WLS: variants seen among roughly 807,000 people sequenced by gnomAD.
WLS encodes the protein Wnt ligand secretion mediator.
WLS carries 23 observed loss-of-function variants against 62.8 expected under a neutral mutation model. That is an observed-to-expected ratio of 0.37 (90% CI 0.26 to 0.52). WLS has a LOEUF of 0.52. Ranked by LOEUF, WLS falls within the 20% of genes least tolerant of loss-of-function variation. The pLI is 0.92. For synonymous variants in WLS, 246 were observed against 244.1 expected (o/e 1.01, Z -0.07); for missense variants, 615 against 697.3 (o/e 0.88, Z 1.33).
At chr1:68,214,202 C>T (rs953205308) in intron 1 of WLS, among the ~76,000 whole-genome samples, 1 of 151,996 alleles carries the variant, frequency 6.6e-6, no homozygotes, top group South Asian at 2.1e-4. Flanking sequence ...CACACACACA[C>T]ACACACACCC....
chr1:68,147,734 T>C (rs1441168746), intron 8 of WLS, among the ~76,000 whole-genome samples: 1 of 152,156 alleles, frequency 6.6e-6, no homozygotes, highest in Non-Finnish European at 1.5e-5. Context: ...CACACCAAGG[T>C]CACTTAAGAA....
chr1:68,203,490 CTTTTCTGGGAGACT>C (rs1649135055), intron 1 of WLS, among the ~76,000 whole-genome samples: 2 of 152,184 alleles, frequency 1.3e-5, no homozygotes, highest in African/African-American at 2.4e-5. Context: ...AGCAAGATAG[CTTTTCTGGGAGACT>C]TACAGTCAGG....
At chr1:68,209,353 G>T (rs1649413394) in intron 1 of WLS, among the ~76,000 whole-genome samples, 1 of 152,180 alleles carries the variant, frequency 6.6e-6, no homozygotes, top group African/African-American at 2.4e-5. Flanking sequence ...AACCATTACA[G>T]TTTGCCTCAT....
intron 1 of WLS, among the ~76,000 whole-genome samples, chr1:68,230,957 C>T (rs867057997): frequency 6.6e-6 from 1 of 152,184 alleles, no homozygotes; most frequent in Non-Finnish European, 1.5e-5. Flanking sequence ...GCGTTTTCCC[C>T]GCACCCCACA....
At chr1:68,203,080 T>C (rs1452833420) in intron 1 of WLS, 1 of 152,240 alleles carries the variant, frequency 6.6e-6, no homozygotes, top group African/African-American at 2.4e-5. Flanking sequence ...TTATTATTCA[T>C]AAATTACATA....
At chr1:68,120,717 TGCGC>T (rs56751724), downstream of WLS, among the ~76,000 whole-genome samples, 2,890 of 145,598 alleles carry the variant, frequency 0.02, 50 homozygotes, top group Middle Eastern at 0.034. Flanking sequence ...TGTGTGTGTG[TGCGC>T]GCGCGCACAT....
rs370474662 is a variant in WLS, at chr1:68,119,466, C to T, written c.1510+18314G>A. Among the ~76,000 whole-genome samples the T allele has an allele frequency of 3.7e-4, 56 of 152,334 alleles. No homozygotes were observed. The East Asian group carries it at 4.8e-3, about 13-fold the overall frequency. On this transcript the variant is annotated intron_variant, in intron 11 of 11. Coordinates refer to the WLS transcript ENST00000354777. ...TAGCAGAGGCCATGGGTGCCTCACC[C>T]ATATTCCTCAAGCTGGCCCTAGTTC...
At chr1:68,098,983 A>G (rs1271879702) in intron 11 of WLS, 1 of 569,846 alleles carries the variant, frequency 1.8e-6, no homozygotes, top group Non-Finnish European at 2.8e-6. Context: ...TATTGTGACA[A>G]TCAGTTCCTC....
intron 1 of WLS, chr1:68,231,837 G>T (rs767261600): frequency 4.9e-5 from 21 of 430,566 alleles, no homozygotes; most frequent in South Asian, 3.4e-4. Flanking sequence ...AGAGGAAAAG[G>T]GGGGGAACGC....
At chr1:68,107,500 C>A (rs1381521941) in intron 11 of WLS, among the ~76,000 whole-genome samples, 1 of 152,162 alleles carries the variant, frequency 6.6e-6, no homozygotes, top group Non-Finnish European at 1.5e-5. Flanking sequence ...TTCAGCTCAA[C>A]CTCTTTGCCT....
chr1:68,113,581 T>C (rs1646254896), intron 11 of WLS, among the ~76,000 whole-genome samples: 1 of 152,174 alleles, frequency 6.6e-6, no homozygotes, highest in Non-Finnish European at 1.5e-5. Context: ...GTAAAAGGGA[T>C]GGCATGGGAC....
intron 8 of WLS, among the ~76,000 whole-genome samples, 160 bp from the exon 9 acceptor site, chr1:68,146,172 A>G (rs906142347): frequency 2.0e-5 from 3 of 152,230 alleles, no homozygotes; most frequent in Non-Finnish European, 4.4e-5. Context: ...TCTAATGCCA[A>G]TGATAGGTTT....
chr1:68,225,829 G>C (rs1650119096), intron 1 of WLS, among the ~76,000 whole-genome samples: 4 of 152,076 alleles, frequency 2.6e-5, no homozygotes. Context: ...CTTTGAAAAA[G>C]TCCGGACTTA....
intron 11 of WLS, among the ~76,000 whole-genome samples, chr1:68,131,084 G>A (rs1329798709): frequency 9.2e-6 from 1 of 108,360 alleles, no homozygotes; most frequent in Non-Finnish European, 2.2e-5. Context: ...GTGTGTGTGT[G>A]TGTTTTTAAG....
Position 68,232,469 on chromosome 1 carries a change from G to T in WLS, c.-170C>A. On this transcript the variant is annotated 5_prime_UTR_variant, in exon 1 of 12. Transcript: ENST00000262348. ...GGACCGGGACGGAAGGCGCCCGCAC[G>T]GATTCCCCCGGCGCAGCCGGCTCGG... The T allele has an allele frequency of 1.5e-6, 2 of 1,335,884 alleles. No individual in the cohort carries two copies. Among genetic ancestry groups the T allele is most frequent in the Non-Finnish European group, 9.7e-7 (1 of 1,030,322 alleles). 82.8% of individuals were successfully genotyped at this position (1,335,884 alleles called of 1,614,324 possible). A position where few individuals can be genotyped will look rare whatever the true frequency, so the allele number is the denominator to read the frequency against.
At position 68,144,629 on chromosome 1, in the gene WLS, G is replaced by A. The variant is rs1266822667; in HGVS notation, c.1302C>T (p.Phe434=). ...HYEGLIFRFK[F]LMLITLACAA... is the part of the protein sequence containing the mutation. Reference sequence around the variant, plus strand: ...CGCAGGCCAAGGTGATAAGCATGAGGAACTTGAACCTAAAAATTAGCCCCT... The same window carrying A: ...CGCAGGCCAAGGTGATAAGCATGAGAAACTTGAACCTAAAAATTAGCCCCT... Residue 434 remains phenylalanine (F), a synonymous_variant, in exon 10 of 12, where the codon TTC becomes TTT. Coordinates refer to ENST00000262348, the MANE Select transcript of WLS (RefSeq NM_024911.7). 1 of 1,613,614 alleles carries A rather than the reference G, an allele frequency of 6.2e-7. No individual in the cohort carries two copies. Among genetic ancestry groups the A allele is most frequent in the Admixed American group, 1.7e-5 (1 of 60,004 alleles).
intron 1 of WLS, among the ~76,000 whole-genome samples, chr1:68,223,993 T>C (rs532039969): frequency 6.6e-6 from 1 of 152,350 alleles, no homozygotes; most frequent in South Asian, 2.1e-4. Flanking sequence ...ATCTTCTTTC[T>C]AAAGGAAAAT....
chr1:68,144,494 T>C (rs1433924583), intron 10 of WLS, 75 bp downstream of exon 10: 6 of 1,410,360 alleles, frequency 4.3e-6, no homozygotes, highest in Non-Finnish European at 5.9e-6. Flanking sequence ...CCTCAGTGGC[T>C]CTATTGAATT....
At chr1:68,187,804 T>C (rs1156826592) in intron 2 of WLS, among the ~76,000 whole-genome samples, 3 of 152,104 alleles carry the variant, frequency 2.0e-5, no homozygotes, top group African/African-American at 7.2e-5. Flanking sequence ...TAGCTAAAAG[T>C]ATTCGAGTTA....
Sources: allele counts gnomAD v4.1 joint callset (sites outside exome capture counted in the v4.1 genomes callset), GRCh38; gene constraint gnomAD v4.1.1; transcripts MANE v1.5; gene names NCBI Gene and HGNC (gene_info 2026-07-23, HGNC 2026-07-21).